The following ZDHHC11 variants were observed in gnomAD, a reference collection of about 807,000 sequenced individuals.
The protein encoded by ZDHHC11 is palmitoyltransferase ZDHHC11.
A neutral mutation model predicts 51.3 loss-of-function variants in ZDHHC11; 44 were observed. That is an observed-to-expected ratio of 0.86 (90% CI 0.67 to 1.10). The LOEUF (loss-of-function observed/expected upper bound fraction) is 1.10, where lower values mean the gene tolerates loss of function less well. Ranked by LOEUF, ZDHHC11 falls within the 50% of genes least tolerant of loss-of-function variation. The pLI is 0.00. For missense variants in ZDHHC11, 400 were observed against 537.7 expected, an observed-to-expected ratio of 0.74 and a Z score of 2.53; for synonymous variants, 163 against 222.0, an observed-to-expected ratio of 0.73 and a Z score of 2.36.
intron 9 of ZDHHC11, among the ~76,000 whole-genome samples, chr5:820,199 G>C (rs6870747): frequency 6.6e-6 from 1 of 150,874 alleles, no homozygotes; most frequent in Non-Finnish European, 1.5e-5. Context: ...AAGCATTTTT[G>C]TATTTTACTT....
intron 7 of ZDHHC11, among the ~76,000 whole-genome samples, chr5:825,745 G>A (rs1437312041): frequency 4.6e-5 from 7 of 152,264 alleles, no homozygotes; most frequent in Admixed American, 1.3e-4. Context: ...TGACAACTCC[G>A]CTGCTGTCTC....
intron 6 of ZDHHC11, 119 bp from the exon 7 acceptor site, chr5:833,926 T>C (rs1191588982): frequency 3.2e-6 from 3 of 949,612 alleles, no homozygotes; most frequent in African/African-American, 3.2e-5. Flanking sequence ...TGGAGTTCTC[T>C]TGGGTCCTGA....
At chr5:844,188 G>T (rs1417715101) in intron 3 of ZDHHC11, among the ~76,000 whole-genome samples, 1 of 152,356 alleles carries the variant, frequency 6.6e-6, no homozygotes, top group East Asian at 1.9e-4. Context: ...CTGTCTCTGT[G>T]CCGTCCTGTG....
In ZDHHC11 at chr5:818,415, CAGGCTGGCTGATCCCT is replaced by C. The variant is rs1741115696; in HGVS notation, c.1146+1094_1146+1109del. 2.0e-5 allele frequency among the ~76,000 whole-genome samples: 3 copies of C among 151,830 alleles called. 1 individual carries two copies. The highest frequency in any genetic ancestry group is 4.4e-5 in the Non-Finnish European group (3 of 67,766). On this transcript the variant is annotated intron_variant, in intron 10 of 12. Coordinates refer to ENST00000283441, the MANE Select transcript of ZDHHC11 (RefSeq NM_024786.3). ...TTGGACGCCAGCGTCGCTGTTCCTC[CAGGCTGGCTGATCCCT>C]TTTCATTTCCAAGTCTCAAGAGCCT...
At position 848,524 on chromosome 5, in the gene ZDHHC11, T is replaced by C. The variant is rs1746610283; in HGVS notation, c.359A>G (p.His120Arg). The change falls in exon 2 of 13, where the codon CAC (histidine) becomes CGC (arginine). Residue 120 changes from histidine to arginine, a missense_variant. Physicochemically the swap from His to Arg is conservative, Grantham distance 29. Transcript: ENST00000283441. ...GTGGCAGAACTGATTCTGGATCACG[T>C]GTGCATGTTTTGATCTGTCGAAGAG... ...MPLFDRSKHA[H>R]VIQNQFCHLC... The C allele has an allele frequency of 6.7e-7, 1 of 1,501,930 alleles. No individual in the cohort carries two copies. The highest frequency in any genetic ancestry group is 1.2e-5 in the South Asian group (1 of 80,572). The allele number at this position is 1,501,930 out of a possible 1,614,324, so 93.0% of individuals were successfully genotyped here.
chr5:846,754 TCCACCG>T (rs1746259777), intron 3 of ZDHHC11, among the ~76,000 whole-genome samples: 1 of 142,632 alleles, frequency 7.0e-6, no homozygotes, highest in African/African-American at 2.7e-5. Flanking sequence ...TTCTTGAGCC[TCCACCG>T]TGCTCAGGGG....
upstream of ZDHHC11, among the ~76,000 whole-genome samples, chr5:855,172 G>C (rs1282280998): frequency 6.7e-6 from 1 of 149,826 alleles, no homozygotes; most frequent in African/African-American, 2.5e-5. Context: ...ACCCTACAGA[G>C]AACAGAGAGC....
chr5:804,525 C>T (rs992467096), intron 11 of ZDHHC11, among the ~76,000 whole-genome samples: 12 of 130,998 alleles, frequency 9.2e-5, no homozygotes, highest in Admixed American at 1.5e-4. Context: ...GCAGGCTATA[C>T]GCCAAAAGAT....
chr5:858,115 C>CAA (rs1345516179), intron 1 of ZDHHC11, among the ~76,000 whole-genome samples: 3 of 145,478 alleles, frequency 2.1e-5, no homozygotes, highest in African/African-American at 5.2e-5. Context: ...GTCCTGGTCC[C>CAA]CGTCCTATCT....
chr5:817,195 G>A (rs563000549), intron 10 of ZDHHC11, among the ~76,000 whole-genome samples: 7 of 151,556 alleles, frequency 4.6e-5, no homozygotes, highest in East Asian at 1.9e-4. Flanking sequence ...TGGCCACCTC[G>A]GTATGCTGTT....
chr5:856,976 A>G (rs1012433134), intron 1 of ZDHHC11, among the ~76,000 whole-genome samples: 1 of 151,492 alleles, frequency 6.6e-6, no homozygotes, highest in Non-Finnish European at 1.5e-5. Context: ...TACCACACAC[A>G]GCACACAAAC....
intron 4 of ZDHHC11, chr5:841,688 G>C (rs1744997787): frequency 9.1e-6 from 9 of 990,930 alleles, no homozygotes; most frequent in African/African-American, 1.7e-5. Flanking sequence ...CTCGCCTGGG[G>C]TCATTTCTAA....
upstream of ZDHHC11, among the ~76,000 whole-genome samples, chr5:853,753 G>A (rs1246918686): frequency 6.6e-6 from 1 of 150,770 alleles, no homozygotes; most frequent in Non-Finnish European, 1.5e-5. Context: ...AGATCCCATG[G>A]AGGACAGCAA....
chr5:844,981 T>C, intron 3 of ZDHHC11, among the ~76,000 whole-genome samples: 1 of 152,306 alleles, frequency 6.6e-6, no homozygotes, highest in Non-Finnish European at 1.5e-5. Context: ...CCTTTAATCC[T>C]TTCCATTGTA....
intron 11 of ZDHHC11, among the ~76,000 whole-genome samples, chr5:805,697 T>TTA (rs985673202): frequency 1.1e-4 from 16 of 151,076 alleles, no homozygotes; most frequent in South Asian, 2.1e-4. Context: ...TTTAAACATT[T>TTA]TATATATATA....
intron 5 of ZDHHC11, among the ~76,000 whole-genome samples, chr5:837,835 G>C (rs1267030174): frequency 5.9e-5 from 9 of 151,984 alleles, no homozygotes; most frequent in African/African-American, 1.9e-4. Flanking sequence ...TTGAGAGGTT[G>C]CTCCAGATCC....
Position 805,072 on chromosome 5 carries a change from A to C in ZDHHC11, c.1182-3908T>G, listed in dbSNP as rs557511338. ...GTTAATGGGTGCACACTGTATAAAG[A>C]TGTAATCAATGACAACAGCAATATA... On this transcript the variant is annotated intron_variant, in intron 11 of 12. Transcript: ENST00000283441. 2.5e-4 allele frequency among the ~76,000 whole-genome samples: 38 copies of C among 151,608 alleles called. 1 individual carries two copies. Among genetic ancestry groups the C allele is most frequent in the African/African-American group, 8.0e-4 (33 of 41,334 alleles).
upstream of ZDHHC11, among the ~76,000 whole-genome samples, chr5:854,456 C>T (rs575992586): frequency 1.3e-5 from 2 of 149,428 alleles, no homozygotes; most frequent in Admixed American, 6.6e-5. Context: ...GAGACAGACC[C>T]CACGGAGGAC....
intron 12 of ZDHHC11, among the ~76,000 whole-genome samples, chr5:797,226 GTATATATA>G (rs370247310): frequency 8.0e-6 from 1 of 125,578 alleles, no homozygotes; most frequent in Non-Finnish European, 1.8e-5. Context: ...GTGTGTGTGT[GTATATATA>G]TATATATTCT....
Sources: allele counts gnomAD v4.1 joint callset (sites outside exome capture counted in the v4.1 genomes callset), GRCh38; gene constraint gnomAD v4.1.1; transcripts MANE v1.5; gene names NCBI Gene and HGNC (gene_info 2026-07-23, HGNC 2026-07-21).